GSTA2: variants seen among roughly 807,000 people sequenced by gnomAD.
GSTA2 encodes the protein glutathione S-transferase A2.
In GSTA2, 27 loss-of-function variants were observed where a neutral mutation model predicts 22.4. The ratio of observed to expected loss-of-function variants is 1.21; its 90% CI spans 0.89 to 1.67. The LOEUF is 1.67. GSTA2 is among the 40% of genes most tolerant of loss of function. The pLI is 0.00. For synonymous variants in GSTA2, 121 were observed against 86.8 expected (o/e 1.39, Z -2.19); for missense variants, 302 against 260.2 (o/e 1.16, Z -1.11).
At position 52,754,949 on chromosome 6, in the gene GSTA2, T is replaced by G. The variant is rs145821419; in HGVS notation, c.266A>C (p.Lys89Thr). The change falls in exon 4 of 7, where the codon AAA (lysine) becomes ACA (threonine). Residue 89 changes from lysine (K) to threonine (T), a missense_variant. Physicochemically the swap from Lys to Thr is moderately conservative, Grantham distance 78. Coordinates refer to ENST00000493422, the MANE Select transcript of GSTA2 (RefSeq NM_000846.5). ...YNLYGKDIKE[K>T]ALIDMYIEGI... ...AACAGAAAATATACCGTACAGGGCT[T>G]TCTCCTTTATGTCTTTCCCATAGAG... 1 of 1,613,650 alleles carries G rather than the reference T, an allele frequency of 6.2e-7. No individual in the cohort carries two copies. Among genetic ancestry groups the G allele is most frequent in the South Asian group, 1.1e-5 (1 of 91,074 alleles).
At chr6:52,760,910 TAAA>T (rs1228031139) in intron 1 of GSTA2, among the ~76,000 whole-genome samples, 2 of 152,106 alleles carry the variant, frequency 1.3e-5, no homozygotes, top group African/African-American at 4.8e-5. Context: ...TTACATCAAT[TAAA>T]AAATGGGCTT....
intron 1 of GSTA2, among the ~76,000 whole-genome samples, chr6:52,759,444 C>G (rs73740546): frequency 6.6e-6 from 1 of 151,728 alleles, no homozygotes; most frequent in Non-Finnish European, 1.5e-5. Context: ...GGAATAGTTG[C>G]GTTTTATCAC....
In GSTA2 at chr6:52,755,090, A is replaced by G; in HGVS notation, c.140-15T>C. The G allele has an allele frequency of 1.2e-6, 2 of 1,614,030 alleles. No individual in the cohort carries two copies. Among genetic ancestry groups the G allele is most frequent in the Non-Finnish European group, 8.5e-7 (1 of 1,179,972 alleles). On this transcript the variant is annotated splice_polypyrimidine_tract_variant and intron_variant, in intron 3 of 6. Coordinates refer to ENST00000493422, the MANE Select transcript of GSTA2 (RefSeq NM_000846.5). ...CAAATATCCATCTTTAAGAGGAAGA[A>G]AAAAAAGGAGAGTGAAGTGTCTATG...
At position 52,763,442 on chromosome 6, in the gene GSTA2, A is replaced by G; in HGVS notation, c.-31+2T>C. The G allele has an allele frequency of 5.4e-6, 1 of 183,516 alleles. No homozygotes were observed. Among genetic ancestry groups the G allele is most frequent in the Non-Finnish European group, 1.2e-5 (1 of 86,324 alleles). 11.4% of individuals were successfully genotyped at this position (183,516 alleles called of 1,614,324 possible). On this transcript the variant is annotated splice_donor_variant, in intron 1 of 6. Transcript: ENST00000493422. LOFTEE classifies it low-confidence loss of function (5UTR_SPLICE). ...AGAGAGATTTATAAGATCAGTACTT[A>G]CTTTGTTAAATGCTGTCACCTTTGT...
chr6:52,754,819 G>T (rs1479612115), intron 4 of GSTA2, 124 bp downstream of exon 4: 15 of 1,267,124 alleles, frequency 1.2e-5, no homozygotes, highest in Non-Finnish European at 1.7e-5. Flanking sequence ...CTGGACCTCA[G>T]CGTGCATGCC....
At chr6:52,762,588 C>A (rs1014012880) in intron 1 of GSTA2, among the ~76,000 whole-genome samples, 1 of 152,172 alleles carries the variant, frequency 6.6e-6, no homozygotes, top group Non-Finnish European at 1.5e-5. Context: ...CTGCCACATC[C>A]CCCTCTCTGA....
At chr6:52,756,195 C>T in intron 3 of GSTA2, 63 bp downstream of exon 3, 1 of 1,217,446 alleles carries the variant, frequency 8.2e-7, no homozygotes, top group Non-Finnish European at 1.2e-6. Flanking sequence ...GCCGGCTGCG[C>T]AAACCTCCCC....
At chr6:52,754,703 C>A (rs937641442) in intron 4 of GSTA2, among the ~76,000 whole-genome samples, 1 of 152,122 alleles carries the variant, frequency 6.6e-6, no homozygotes, top group Non-Finnish European at 1.5e-5. Flanking sequence ...GTTTGGAAAC[C>A]TTTGTCAGGG....
Position 52,752,895 on chromosome 6 carries a change from G to T in GSTA2, c.373C>A (p.Gln125Lys), listed in dbSNP as rs771085266. 5.6e-5 allele frequency: 91 copies of T among 1,613,846 alleles called. No homozygotes were observed. The highest frequency in any genetic ancestry group is 2.4e-4 in the South Asian group (22 of 91,070). ...EEQDAKLALIQEKTKNRYFPA... is the reference protein window; with the variant it reads ...EEQDAKLALIKEKTKNRYFPA... ...AAGTAGCGATTTTTTGTTTTCTCTT[G>T]GATCAAGGCAAGCTTGGCATCTTGT... Residue 125 changes from glutamine to lysine, a missense_variant, in exon 5 of 7, where the codon CAA becomes AAA. By Grantham distance (53) the Gln-to-Lys change is moderately conservative. Transcript: ENST00000493422.
At chr6:52,751,550 C>G (rs368647859) in intron 6 of GSTA2, 27 bp downstream of exon 6, 1 of 1,613,780 alleles carries the variant, frequency 6.2e-7, no homozygotes, top group Non-Finnish European at 8.5e-7. Context: ...GTGGGTCTGC[C>G]TCTCTGAAGA....
At chr6:52,754,253 G>T (rs561901450) in intron 4 of GSTA2, among the ~76,000 whole-genome samples, 2 of 152,280 alleles carry the variant, frequency 1.3e-5, no homozygotes, top group South Asian at 2.1e-4. Flanking sequence ...TAGAGGAACT[G>T]CTGGGTCATC....
Position 52,751,646 on chromosome 6 carries a change from G to C in GSTA2, c.477C>G (p.His159Gln). ...VGNKLSRADI[H>Q]LVELLYYVEE... ...CCACGTAGTAGAGAAGTTCCACCAG[G>C]TGAATGTCAGCCCGGCTCAGCTTGT... is the stretch of plus-strand genomic sequence containing the variant. The change falls in exon 6 of 7, where the codon CAC becomes CAG. Residue 159 changes from histidine (H) to glutamine (Q), a missense_variant. His to Gln is a conservative substitution (Grantham distance 24). Transcript: ENST00000493422. 1 of 1,614,124 alleles carries C rather than the reference G, an allele frequency of 6.2e-7. No homozygotes were observed.
chr6:52,756,799 G>A (rs1045614665), intron 2 of GSTA2, among the ~76,000 whole-genome samples: 1 of 152,238 alleles, frequency 6.6e-6, no homozygotes, highest in Admixed American at 6.5e-5. Context: ...GGGTGACATA[G>A]GTCGCCACTG....
rs543363977 is a variant in GSTA2, at chr6:52,756,161, C to A, written c.139+97G>T. 2.1e-5 allele frequency: 16 copies of A among 771,026 alleles called. No individual in the cohort carries two copies. In the East Asian group the frequency reaches 4.1e-4, roughly 20 times the overall value. The allele number at this position is 771,026 out of a possible 1,614,324, so 47.8% of individuals were successfully genotyped here. On this transcript the variant is annotated intron_variant, in intron 3 of 6. Transcript: ENST00000493422. ...TCTCCCTCTGCACCATGTACAAATA[C>A]CATGCCCCACACCCATAGACATTGC...
At chr6:52,761,867 TC>T (rs1431801027) in intron 1 of GSTA2, among the ~76,000 whole-genome samples, 2 of 150,682 alleles carry the variant, frequency 1.3e-5, no homozygotes, top group Non-Finnish European at 2.9e-5. Context: ...TGTTACTATG[TC>T]TATGTAGAAA....
In GSTA2 at chr6:52,750,630, G is replaced by T. The variant is rs766157905; in HGVS notation, c.616C>A (p.Pro206Thr). The part of the protein sequence containing the change: ...KFLQPGSPRK[P>T]PMDEKSLEES... ...TCTAAAGATTTCTCATCCATGGGAG[G>T]CTTCCTTGGGCTGCCAGGCTGTAGA... The change falls in exon 7 of 7, where the codon CCT becomes ACT. Residue 206 changes from proline (P) to threonine (T), a missense_variant. Pro to Thr is a conservative substitution (Grantham distance 38). Coordinates refer to ENST00000493422, the MANE Select transcript of GSTA2 (RefSeq NM_000846.5). 3 of 1,613,556 alleles carry T rather than the reference G, an allele frequency of 1.9e-6. No individual in the cohort carries two copies. The highest frequency in any genetic ancestry group is 2.2e-5 in the East Asian group (1 of 44,882).
At chr6:52,758,104 G>T in intron 1 of GSTA2, 127 bp from the exon 2 acceptor site, 3 of 607,846 alleles carry the variant, frequency 4.9e-6, no homozygotes, top group Non-Finnish European at 8.6e-6. Context: ...GACGGTGTTG[G>T]AGGAGTTCCC....
chr6:52,755,259 G>C (rs943649723), intron 3 of GSTA2, among the ~76,000 whole-genome samples, 184 bp from the exon 4 acceptor site: 2 of 144,908 alleles, frequency 1.4e-5, no homozygotes, highest in Non-Finnish European at 3.0e-5. Flanking sequence ...CTGTTGTCCA[G>C]GCTGGAGTGG....
Position 52,750,700 on chromosome 6 carries a change from C to T in GSTA2, c.547-1G>A. ...GGTTACTGATTCTGGTTTTCAGGGCCTGTAATCCACAAAGCACAGCCTCAC... is the reference window on the plus strand; with the variant it reads ...GGTTACTGATTCTGGTTTTCAGGGCTTGTAATCCACAAAGCACAGCCTCAC... On this transcript the variant is annotated splice_acceptor_variant, in intron 6 of 6. Transcript: ENST00000493422. LOFTEE classifies it high-confidence loss of function. The T allele has an allele frequency of 6.2e-7, 1 of 1,612,336 alleles. No individual in the cohort carries two copies. Among genetic ancestry groups the T allele is most frequent in the Non-Finnish European group, 8.5e-7 (1 of 1,179,714 alleles).
Sources: allele counts gnomAD v4.1 joint callset (sites outside exome capture counted in the v4.1 genomes callset), GRCh38; gene constraint gnomAD v4.1.1; transcripts MANE v1.5; gene names NCBI Gene and HGNC (gene_info 2026-07-23, HGNC 2026-07-21).